The following FILIP1L variants were observed in gnomAD, a reference collection of about 807,000 sequenced individuals.
FILIP1L encodes the protein filamin A interacting protein 1 like.
FILIP1L carries 55 observed loss-of-function variants against 96.6 expected under a neutral mutation model. The observed-to-expected ratio is 0.57, with a 90% CI of 0.46 to 0.71. The LOEUF is 0.71. Among genes scored for constraint, FILIP1L ranks in the 30% least tolerant of loss-of-function variants. The probability of loss-of-function intolerance (pLI) is 0.00; values close to 1 mark genes in which losing one functional copy is unlikely to be tolerated. For missense variants in FILIP1L, 1,304 were observed against 1,321.2 expected, an observed-to-expected ratio of 0.99 and a Z score of 0.20; for synonymous variants, 467 against 473.9, an observed-to-expected ratio of 0.99 and a Z score of 0.19.
rs149295588 is a variant in FILIP1L at position 99,892,836 on chromosome 3, C to T, written c.605+31394G>A. Reference sequence around the variant, plus strand: ...AATCAGATTTTATCCTTGATCTAAACATAGGTCAAGTTCATGTCGATCATG... The same window carrying T: ...AATCAGATTTTATCCTTGATCTAAATATAGGTCAAGTTCATGTCGATCATG... On this transcript the variant is annotated intron_variant, in intron 4 of 5. Transcript: ENST00000477258. Among the ~76,000 whole-genome samples the T allele has an allele frequency of 3.8e-3, 577 of 152,324 alleles. 3 individuals are homozygous for T. Among genetic ancestry groups the T allele is most frequent in the African/African-American group, 0.013 (549 of 41,570 alleles).
At chr3:100,001,936 A>G (rs1709853763) in intron 1 of FILIP1L, among the ~76,000 whole-genome samples, 1 of 152,182 alleles carries the variant, frequency 6.6e-6, no homozygotes, top group African/African-American at 2.4e-5. Context: ...GGGAAGCACA[A>G]TGAGACATCT....
At chr3:100,093,428 CTTACAAAAAATATATACTTTT>C (rs775289754) in intron 1 of FILIP1L, among the ~76,000 whole-genome samples, 22 of 151,966 alleles carry the variant, frequency 1.4e-4, no homozygotes, top group African/African-American at 2.9e-4. Flanking sequence ...CATTATTTTT[CTTACAAAAAATATATACTTTT>C]TTACAAAAAA....
At chr3:99,890,435 C>T (rs1706046922) in intron 4 of FILIP1L, among the ~76,000 whole-genome samples, 1 of 152,080 alleles carries the variant, frequency 6.6e-6, no homozygotes, top group Non-Finnish European at 1.5e-5. Flanking sequence ...ATTAACATTT[C>T]AAATATGGCT....
chr3:100,062,312 C>A (rs993312729), intron 1 of FILIP1L, among the ~76,000 whole-genome samples: 40 of 151,600 alleles, frequency 2.6e-4, no homozygotes, highest in East Asian at 1.9e-4. Context: ...GAGGTTTCAC[C>A]GTGTTAGCCA....
intron 1 of FILIP1L, among the ~76,000 whole-genome samples, chr3:100,020,009 A>G (rs551269452): frequency 6.6e-6 from 1 of 152,334 alleles, no homozygotes; most frequent in Non-Finnish European, 1.5e-5. Flanking sequence ...TCTGAGTAAT[A>G]TCACTGATTC....
chr3:99,843,968 A>G (rs2107511293), intron 5 of FILIP1L, among the ~76,000 whole-genome samples: 1 of 152,298 alleles, frequency 6.6e-6, no homozygotes, highest in African/African-American at 2.4e-5. Flanking sequence ...CTGAGTGGAC[A>G]GTTTCATCCT....
intron 1 of FILIP1L, chr3:100,011,632 C>G (rs1229535369): frequency 6.6e-6 from 1 of 152,166 alleles, no homozygotes; most frequent in Non-Finnish European, 1.5e-5. Flanking sequence ...TTGGATGAAG[C>G]AGTGGATAGG....
chr3:99,843,159 T>G (rs765897064), intron 5 of FILIP1L, among the ~76,000 whole-genome samples: 18 of 152,244 alleles, frequency 1.2e-4, no homozygotes, highest in Non-Finnish European at 2.1e-4. Flanking sequence ...GTCCTTTGTT[T>G]TGGTTCATCT....
chr3:99,991,488 C>G (rs1454272673), intron 1 of FILIP1L, among the ~76,000 whole-genome samples: 4 of 151,882 alleles, frequency 2.6e-5, no homozygotes, highest in African/African-American at 9.7e-5. Context: ...GGTACAAATG[C>G]ACATTTCTTA....
chr3:99,916,911 A>G (rs772431676), intron 4 of FILIP1L, among the ~76,000 whole-genome samples: 1 of 152,200 alleles, frequency 6.6e-6, no homozygotes, highest in Non-Finnish European at 1.5e-5. Context: ...CTTGCCAGGA[A>G]AGTTTACCTA....
At chr3:100,097,942 A>G (rs937123137) in intron 1 of FILIP1L, among the ~76,000 whole-genome samples, 2 of 152,202 alleles carry the variant, frequency 1.3e-5, no homozygotes, top group African/African-American at 2.4e-5. Context: ...TTGGTTTTTT[A>G]AAATTTCATC....
At position 100,084,368 on chromosome 3, in the gene FILIP1L, A is replaced by T. The variant is rs2065974941; in HGVS notation, c.-11+29685T>A. 2.0e-5 allele frequency among the ~76,000 whole-genome samples: 3 copies of T among 152,174 alleles called. No individual in the cohort carries two copies. The South Asian group carries it at 6.2e-4, about 32-fold the overall frequency. Reference sequence around the variant, plus strand: ...AATATTTATAAGCTTAGGTCCATCAAACTAGTTAATTTGGACCTAAATATG... The same window carrying T: ...AATATTTATAAGCTTAGGTCCATCATACTAGTTAATTTGGACCTAAATATG... On this transcript the variant is annotated intron_variant, in intron 1 of 5. Coordinates refer to ENST00000477258, the MANE Select transcript of FILIP1L (RefSeq NM_001387850.1).
At chr3:99,957,857 A>C (rs145820565) in intron 1 of FILIP1L, among the ~76,000 whole-genome samples, 2 of 150,570 alleles carry the variant, frequency 1.3e-5, no homozygotes, top group Non-Finnish European at 3.0e-5. Context: ...TGTTCTTAAT[A>C]TAGGCCTAAT....
At chr3:99,853,896 C>G (rs1366936690) in intron 4 of FILIP1L, among the ~76,000 whole-genome samples, 3 of 152,154 alleles carry the variant, frequency 2.0e-5, no homozygotes, top group Non-Finnish European at 4.4e-5. Context: ...AACTTGGGAG[C>G]TCAGGACAAG....
intron 1 of FILIP1L, among the ~76,000 whole-genome samples, chr3:99,982,534 G>A (rs910595339): frequency 6.6e-6 from 1 of 151,956 alleles, no homozygotes; most frequent in African/African-American, 2.4e-5. Flanking sequence ...TAGAATAAGA[G>A]TCTCTCACTC....
At chr3:99,913,470 A>G (rs1290033877) in intron 4 of FILIP1L, among the ~76,000 whole-genome samples, 1 of 152,224 alleles carries the variant, frequency 6.6e-6, no homozygotes, top group Non-Finnish European at 1.5e-5. Context: ...AGGCATTTGA[A>G]GTTACTGAGA....
intron 4 of FILIP1L, among the ~76,000 whole-genome samples, chr3:99,906,879 T>C (rs947125178): frequency 6.6e-6 from 1 of 152,196 alleles, no homozygotes; most frequent in African/African-American, 2.4e-5. Context: ...CTCCCTACCA[T>C]GCCCTATAAC....
At chr3:100,072,973 G>A (rs1201161508) in intron 1 of FILIP1L, among the ~76,000 whole-genome samples, 1 of 152,178 alleles carries the variant, frequency 6.6e-6, no homozygotes, top group Non-Finnish European at 1.5e-5. Context: ...TATGTTTGAA[G>A]AGCACTTTTT....
At chr3:100,108,546 T>C (rs1381520202) in intron 1 of FILIP1L, among the ~76,000 whole-genome samples, 1 of 152,186 alleles carries the variant, frequency 6.6e-6, no homozygotes, top group Non-Finnish European at 1.5e-5. Flanking sequence ...TGCATTGTGG[T>C]ACATTCTGGT....
Sources: gnomAD v4.1 joint callset for allele counts (sites outside exome capture counted in the v4.1 genomes callset) on GRCh38, gnomAD v4.1.1 for gene constraint, MANE v1.5 for transcripts, NCBI Gene and HGNC (gene_info 2026-07-23, HGNC 2026-07-21) for gene names.